The following LRMDA variants were observed in gnomAD, a reference collection of about 807,000 sequenced individuals.
The protein encoded by LRMDA is leucine-rich melanocyte differentiation-associated protein.
Under a neutral mutation model 29.8 loss-of-function variants are expected in LRMDA, and 18 were observed. The observed-to-expected ratio is 0.60, with a 90% CI of 0.42 to 0.90. LRMDA has a LOEUF of 0.90. Ranked by LOEUF, LRMDA falls within the 40% of genes least tolerant of loss-of-function variation. The probability of loss-of-function intolerance (pLI) is 0.00; values close to 1 mark genes in which losing one functional copy is unlikely to be tolerated. For synonymous variants in LRMDA, 125 were observed against 109.4 expected (o/e 1.14, Z -0.89); for missense variants, 273 against 273.9 (o/e 1.00, Z 0.02).
chr10:75,700,510 A>G (rs1015185678), intron 2 of LRMDA, among the ~76,000 whole-genome samples: 1 of 147,852 alleles, frequency 6.8e-6, no homozygotes, highest in Non-Finnish European at 1.5e-5. Flanking sequence ...ATCTTGGCTC[A>G]CTGCAAGCTC....
chr10:76,304,605 G>T (rs1467307009), intron 5 of LRMDA, among the ~76,000 whole-genome samples: 1 of 152,186 alleles, frequency 6.6e-6, no homozygotes, highest in East Asian at 1.9e-4. Context: ...AGCCTGGGAA[G>T]ATGTGGACTT....
chr10:75,644,988 C>CTT (rs139813398), intron 2 of LRMDA, among the ~76,000 whole-genome samples: 3 of 143,774 alleles, frequency 2.1e-5, no homozygotes, highest in African/African-American at 7.7e-5. Flanking sequence ...TTATTTTACT[C>CTT]TTTTTTTTTT....
At chr10:75,633,288 T>C (rs1841350863) in intron 2 of LRMDA, among the ~76,000 whole-genome samples, 1 of 152,162 alleles carries the variant, frequency 6.6e-6, no homozygotes, top group African/African-American at 2.4e-5. Context: ...AACCTGGGAA[T>C]AGTTGGTTTG....
chr10:76,539,042 G>C (rs1291467798), intron 6 of LRMDA, among the ~76,000 whole-genome samples: 2 of 151,770 alleles, frequency 1.3e-5, no homozygotes, highest in East Asian at 3.9e-4. Context: ...TTAGTCAGTT[G>C]GTCTATTTTT....
intron 2 of LRMDA, among the ~76,000 whole-genome samples, chr10:75,472,884 G>C (rs1407200114): frequency 6.6e-6 from 1 of 152,198 alleles, no homozygotes; most frequent in African/African-American, 2.4e-5. Flanking sequence ...GAAGCAGGAG[G>C]GTGGGCGTGG....
At chr10:76,173,954 C>G (rs1850886435) in intron 5 of LRMDA, among the ~76,000 whole-genome samples, 1 of 152,226 alleles carries the variant, frequency 6.6e-6, no homozygotes. Context: ...GCCACTGCAT[C>G]TGGCCTGCCA....
At chr10:75,825,720 C>T (rs906051897) in intron 2 of LRMDA, among the ~76,000 whole-genome samples, 1 of 152,186 alleles carries the variant, frequency 6.6e-6, no homozygotes, top group African/African-American at 2.4e-5. Context: ...TAACAGATTA[C>T]TATTCGAGTT....
chr10:75,494,047 C>T (rs1244166502), intron 2 of LRMDA, among the ~76,000 whole-genome samples: 2 of 152,190 alleles, frequency 1.3e-5, no homozygotes, highest in African/African-American at 4.8e-5. Context: ...AGCCACCACG[C>T]CCAGCCAAAT....
chr10:76,479,996 C>T (rs958177333), intron 6 of LRMDA, among the ~76,000 whole-genome samples: 6 of 151,916 alleles, frequency 3.9e-5, no homozygotes, highest in African/African-American at 1.4e-4. Context: ...TGAATAATAA[C>T]GTTCTAAGCT....
chr10:75,565,367 G>C (rs562226499), intron 2 of LRMDA, among the ~76,000 whole-genome samples: 35 of 152,318 alleles, frequency 2.3e-4, no homozygotes, highest in African/African-American at 7.9e-4. Flanking sequence ...GGGCAGGTTG[G>C]CAGCCATTCA....
chr10:76,389,935 G>T (rs1460861122), intron 6 of LRMDA, among the ~76,000 whole-genome samples: 1 of 152,088 alleles, frequency 6.6e-6, no homozygotes, highest in Non-Finnish European at 1.5e-5. Flanking sequence ...GTACATGGAT[G>T]TACAAATGCT....
intron 5 of LRMDA, among the ~76,000 whole-genome samples, chr10:76,085,088 T>C (rs540634750): frequency 2.4e-4 from 36 of 152,320 alleles, no homozygotes; most frequent in Admixed American, 8.5e-4. Flanking sequence ...GCATCCTTGT[T>C]AATAACCTAG....
intron 2 of LRMDA, among the ~76,000 whole-genome samples, chr10:75,914,667 C>G (rs553479126): frequency 1.3e-5 from 2 of 152,160 alleles, no homozygotes; most frequent in South Asian, 2.1e-4. Flanking sequence ...GAGTACACAT[C>G]CCTCAGTTAA....
intron 2 of LRMDA, among the ~76,000 whole-genome samples, chr10:75,872,300 CTT>C (rs200584025): frequency 6.9e-6 from 1 of 145,624 alleles, no homozygotes; most frequent in Non-Finnish European, 1.5e-5. Flanking sequence ...CTCTCTCTCT[CTT>C]TTTTTTTTTA....
rs1219927629 is a variant in LRMDA, at chr10:75,507,163, G to A, written c.131+68669G>A. 2.7e-5 allele frequency among the ~76,000 whole-genome samples: 4 copies of A among 150,662 alleles called. No individual in the cohort carries two copies. In the South Asian group the frequency reaches 8.4e-4, roughly 31 times the overall value. ...GTTGTACAGGGAGTGACTCTCCCTC[G>A]GTAAATGGTGTATTGTCAGTTCCTC... On this transcript the variant is annotated intron_variant, in intron 2 of 6. Coordinates refer to ENST00000611255, the MANE Select transcript of LRMDA (RefSeq NM_001305581.2).
chr10:76,356,975 G>T (rs1388282576), intron 6 of LRMDA, among the ~76,000 whole-genome samples: 1 of 152,132 alleles, frequency 6.6e-6, no homozygotes, highest in Non-Finnish European at 1.5e-5. Flanking sequence ...AAGAAAGTTG[G>T]TTGGTGGAGA....
intron 2 of LRMDA, among the ~76,000 whole-genome samples, chr10:75,452,311 G>A (rs1281847201): frequency 6.6e-6 from 1 of 152,126 alleles, no homozygotes; most frequent in African/African-American, 2.4e-5. Context: ...CCTGGTTAGT[G>A]GTGTTTATCG....
chr10:75,750,031 T>A lies in LRMDA; in HGVS notation c.132-285977T>A, dbSNP rs920549820. Among the ~76,000 whole-genome samples, 3 of 152,272 alleles carry A rather than the reference T, an allele frequency of 2.0e-5. No individual in the cohort carries two copies. In the South Asian group the frequency reaches 6.2e-4, roughly 31 times the overall value. ...TGGAGTCAGGATGTCTACTTCTTTC[T>A]ACACAGACACTGTAACAATCTGATT... On this transcript the variant is annotated intron_variant, in intron 2 of 6. Transcript: ENST00000611255.
At chr10:76,480,480 A>G (rs776286106) in intron 6 of LRMDA, among the ~76,000 whole-genome samples, 21 of 151,966 alleles carry the variant, frequency 1.4e-4, no homozygotes, top group Non-Finnish European at 2.7e-4. Context: ...CATACATTTC[A>G]CAGATGTTGA....
Sources: gnomAD v4.1 joint callset for allele counts (sites outside exome capture counted in the v4.1 genomes callset) on GRCh38, gnomAD v4.1.1 for gene constraint, MANE v1.5 for transcripts, NCBI Gene and HGNC (gene_info 2026-07-23, HGNC 2026-07-21) for gene names.